Variants in ARVCF observed in about 807,000 individuals in gnomAD.
ARVCF encodes splicing regulator ARVCF.
A neutral mutation model predicts 90.9 loss-of-function variants in ARVCF; 66 were observed. The observed-to-expected ratio is 0.73, with a 90% CI of 0.60 to 0.89. ARVCF has a LOEUF of 0.89. Ranked by LOEUF, ARVCF falls within the 40% of genes least tolerant of loss-of-function variation. The pLI is 0.00. For synonymous variants in ARVCF, 653 were observed against 603.4 expected (o/e 1.08, Z -1.21); for missense variants, 1,469 against 1,382.3 (o/e 1.06, Z -1.00).
chr22:19,981,646 G>C lies in ARVCF; in HGVS notation c.461C>G (p.Pro154Arg), dbSNP rs750476898. ...GGCACCATCTGCAAAAGGGCCTAGT[G>C]GGGGGCCGCCATCCAGCAGGGGGAG... is the stretch of plus-strand genomic sequence containing the variant. ...DGLPLLDGGP[P>R]LGPFADGALD... is the part of the protein sequence containing the mutation. The change falls in exon 5 of 20, where the codon CCA becomes CGA. Residue 154 changes from proline to arginine, a missense_variant. By Grantham distance (103) the Pro-to-Arg change is moderately radical. Coordinates refer to ENST00000263207, the MANE Select transcript of ARVCF (RefSeq NM_001670.3). The C allele has an allele frequency of 1.2e-5, 19 of 1,609,394 alleles. No homozygotes were observed. The highest frequency in any genetic ancestry group is 2.2e-5 in the South Asian group (2 of 90,944).
intron 3 of ARVCF, among the ~76,000 whole-genome samples, chr22:19,988,862 G>A (rs1055031241): frequency 2.0e-5 from 3 of 152,262 alleles, no homozygotes; most frequent in East Asian, 1.9e-4. Flanking sequence ...GTAGGGGGTC[G>A]GGGGGAGAGT....
chr22:19,968,522 C>T (rs373882300), downstream of ARVCF: 77 of 1,612,606 alleles, frequency 4.8e-5, no homozygotes, highest in Non-Finnish European at 5.9e-5. Flanking sequence ...CCCCACCCCC[C>T]GGTCTGTTTG....
intron 2 of ARVCF, among the ~76,000 whole-genome samples, chr22:19,999,280 A>G (rs943237180): frequency 6.8e-6 from 1 of 147,748 alleles, no homozygotes; most frequent in Non-Finnish European, 1.5e-5. Flanking sequence ...TCTGACCCAC[A>G]GCAGCTTTGC....
At chr22:20,003,811 A>G (rs1452999050) in intron 2 of ARVCF, among the ~76,000 whole-genome samples, 1 of 152,250 alleles carries the variant, frequency 6.6e-6, no homozygotes, top group Non-Finnish European at 1.5e-5. Flanking sequence ...CATAAACAAG[A>G]CAAAGATGGC....
At chr22:19,989,796 C>G (rs1338643510) in intron 3 of ARVCF, among the ~76,000 whole-genome samples, 1 of 152,146 alleles carries the variant, frequency 6.6e-6, no homozygotes, top group Non-Finnish European at 1.5e-5. Context: ...GCAACCCCCC[C>G]AGCCTCTAAG....
intron 8 of ARVCF, among the ~76,000 whole-genome samples, 159 bp from the exon 9 acceptor site, chr22:19,977,745 TC>T (rs933575113): frequency 2.6e-5 from 4 of 151,954 alleles, no homozygotes; most frequent in African/African-American, 9.7e-5. Flanking sequence ...CCAGGAAGGG[TC>T]CATGGGAGGA....
chr22:20,009,311 G>A (rs1350585767), intron 2 of ARVCF, among the ~76,000 whole-genome samples: 1 of 152,188 alleles, frequency 6.6e-6, no homozygotes, highest in Non-Finnish European at 1.5e-5. Context: ...AGGCTGGCCC[G>A]GCCGGCAGCT....
chr22:19,984,310 G>A (rs952740320), intron 3 of ARVCF, among the ~76,000 whole-genome samples: 2 of 152,280 alleles, frequency 1.3e-5, no homozygotes, highest in East Asian at 1.9e-4. Context: ...CTCCCACCAA[G>A]GCTGTGGTGA....
chr22:19,965,595 C>G (rs1308721647), downstream of ARVCF: 1 of 152,246 alleles, frequency 6.6e-6, no homozygotes, highest in Non-Finnish European at 1.5e-5. Flanking sequence ...CCGCCTCGGC[C>G]TCCCAAAGTG....
At position 19,977,462 on chromosome 22, in the gene ARVCF, C is replaced by A. The variant is rs755897987; in HGVS notation, c.1823G>T (p.Arg608Leu). Residue 608 changes from arginine (R) to leucine (L), a missense_variant, in exon 9 of 20, where the codon CGC becomes CTC. Arg to Leu is a moderately radical substitution (Grantham distance 102). Transcript: ENST00000263207. ...GCAGCTGGCATCATCCCGCCTCCGGCGCTGGGAGCCTACAGCACTGCCCAG... is the reference window on the plus strand; with the variant it reads ...GCAGCTGGCATCATCCCGCCTCCGGAGCTGGGAGCCTACAGCACTGCCCAG... ...GPLGSAVGSQ[R>L]RRRDDASCFG... is the part of the protein sequence containing the mutation. 1.9e-6 allele frequency: 3 copies of A among 1,568,158 alleles called. No homozygotes were observed. Among genetic ancestry groups the A allele is most frequent in the African/African-American group, 2.7e-5 (2 of 73,088 alleles).
rs753424151 is a variant in ARVCF, at chr22:19,979,845, C to T, written c.1294G>A (p.Asp432Asn). The T allele has an allele frequency of 3.7e-6, 6 of 1,608,822 alleles. No homozygotes were observed. The highest frequency in any genetic ancestry group is 5.1e-6 in the Non-Finnish European group (6 of 1,178,648). The change falls in exon 6 of 20, where the codon GAC becomes AAC. Residue 432 changes from aspartate (D) to asparagine (N), a missense_variant. Physicochemically the swap from Asp to Asn is conservative, Grantham distance 23. Coordinates refer to ENST00000263207, the MANE Select transcript of ARVCF (RefSeq NM_001670.3). ...CGGATGGCGGCCTTGTTGTCAGTGT[C>T]GCGGCCATAGGAGAGGTTGCGCAGT... ...GALRNLSYGR[D>N]TDNKAAIRDC... is the part of the protein sequence containing the mutation.
chr22:19,967,432 T>C (rs1268841460), downstream of ARVCF: 1 of 469,838 alleles, frequency 2.1e-6, no homozygotes, highest in South Asian at 1.6e-5. Context: ...TCATGATTCA[T>C]GGTGGTACTT....
intron 2 of ARVCF, among the ~76,000 whole-genome samples, chr22:19,999,348 G>A (rs566653447): frequency 8.5e-5 from 13 of 152,290 alleles, no homozygotes; most frequent in Admixed American, 2.0e-4. Context: ...GCGGCAGCAC[G>A]AGGAGGCACT....
At chr22:20,000,208 C>T (rs552419793) in intron 2 of ARVCF, among the ~76,000 whole-genome samples, 12 of 152,352 alleles carry the variant, frequency 7.9e-5, no homozygotes, top group African/African-American at 2.9e-4. Context: ...TTGGTCTGCC[C>T]TTGCCCCAGG....
chr22:19,970,874 T>C (rs1317589831), intron 19 of ARVCF, 131 bp from the exon 20 acceptor site: 5 of 1,175,434 alleles, frequency 4.3e-6, no homozygotes, highest in Middle Eastern at 2.2e-4. Context: ...CTGCCCTGGG[T>C]GGTGTGGGCT....
intron 2 of ARVCF, among the ~76,000 whole-genome samples, chr22:20,003,457 TCAAAA>T (rs1944513146): frequency 6.6e-6 from 1 of 151,936 alleles, no homozygotes; most frequent in African/African-American, 2.4e-5. Flanking sequence ...ACAAAAATTC[TCAAAA>T]CAAACAAACA....
At position 19,973,252 on chromosome 22, in the gene ARVCF, C is replaced by A. The variant is rs745313568; in HGVS notation, c.2305G>T (p.Ala769Ser). 6.2e-7 allele frequency: 1 copy of A among 1,609,378 alleles called. No individual in the cohort carries two copies. The highest frequency in any genetic ancestry group is 1.3e-5 in the African/African-American group (1 of 74,870). The change falls in exon 14 of 20, where the codon GCC becomes TCC. Residue 769 changes from alanine to serine, a missense_variant. By Grantham distance (99) the Ala-to-Ser change is moderately conservative. Transcript: ENST00000263207. ...ACCACGGTGTCTTCCTCCAGGCAGG[C>A]CCCCGGTCGCGGCGGAGCCTGTGCA... ...RNAQAPPRPG[A>S]CLEEDTVVAV...
intron 8 of ARVCF, 116 bp downstream of exon 8, chr22:19,977,842 G>A (rs1569156549): frequency 5.5e-6 from 7 of 1,263,042 alleles, no homozygotes; most frequent in East Asian, 2.5e-5. Context: ...CACCCAGAAC[G>A]CCACCCCAGA....
intron 2 of ARVCF, among the ~76,000 whole-genome samples, chr22:20,002,123 G>A (rs1944467972): frequency 6.6e-6 from 1 of 152,258 alleles, no homozygotes; most frequent in Non-Finnish European, 1.5e-5. Flanking sequence ...GGGGCTATCA[G>A]CGTCAGGGCT....
Sources: gnomAD v4.1 joint callset for allele counts (sites outside exome capture counted in the v4.1 genomes callset) on GRCh38, gnomAD v4.1.1 for gene constraint, MANE v1.5 for transcripts, NCBI Gene and HGNC (gene_info 2026-07-23, HGNC 2026-07-21) for gene names.